Variants in UNC79 observed in about 807,000 individuals in gnomAD.
The protein encoded by UNC79 is unc-79 subunit of NALCN channel complex, also known as protein unc-79 homolog.
In UNC79, 37 loss-of-function variants were observed where a neutral mutation model predicts 283.1. The ratio of observed to expected loss-of-function variants is 0.13; its 90% CI spans 0.10 to 0.17. The LOEUF (loss-of-function observed/expected upper bound fraction) is 0.17. Ranked by LOEUF, UNC79 falls within the 10% of genes least tolerant of loss-of-function variation. The pLI, the probability that UNC79 is intolerant of heterozygous loss-of-function variation, is 1.00. For synonymous variants in UNC79, 1,107 were observed against 1,200.2 expected, an observed-to-expected ratio of 0.92 and a Z score of 1.61; for missense variants, 2,272 against 3,211.1, an observed-to-expected ratio of 0.71 and a Z score of 7.07.
intron 1 of UNC79, chr14:93,437,476 A>G (rs1343129622): frequency 6.6e-6 from 1 of 152,154 alleles, no homozygotes; most frequent in Admixed American, 6.5e-5. Flanking sequence ...TATCATTCTA[A>G]TATTTTCAGT....
chr14:93,498,936 G>T (rs376142594), intron 7 of UNC79, among the ~76,000 whole-genome samples: 1 of 152,268 alleles, frequency 6.6e-6, no homozygotes, highest in East Asian at 1.9e-4. Context: ...TTGTAGGATT[G>T]CACACTGATG....
chr14:93,354,140 A>G (rs1012496691), intron 1 of UNC79, among the ~76,000 whole-genome samples: 4 of 152,208 alleles, frequency 2.6e-5, no homozygotes, highest in African/African-American at 9.6e-5. Flanking sequence ...GGGGGCCAAT[A>G]TCTTTAACAT....
chr14:93,612,649 T>C, intron 26 of UNC79, 148 bp from the exon 28 acceptor site: 1 of 1,005,434 alleles, frequency 9.9e-7, no homozygotes, highest in Non-Finnish European at 1.5e-6. Flanking sequence ...CTAGGCCATA[T>C]TGTGCCTTTA....
chr14:93,487,131 C>G (rs68027761), intron 4 of UNC79, among the ~76,000 whole-genome samples: 11,722 of 152,098 alleles, frequency 0.077, 508 homozygotes, highest in Middle Eastern at 0.14. Context: ...AATTGAAAAT[C>G]TTTAAATTAA....
intron 27 of UNC79, 146 bp from the exon 29 acceptor site, chr14:93,616,976 C>A: frequency 1.5e-6 from 1 of 650,116 alleles, no homozygotes; most frequent in Non-Finnish European, 2.5e-6. Context: ...TGCGTACTAG[C>A]CATTACTTTT....
intron 2 of UNC79, among the ~76,000 whole-genome samples, chr14:93,469,789 G>A (rs1245389935): frequency 6.6e-6 from 1 of 152,102 alleles, no homozygotes; most frequent in African/African-American, 2.4e-5. Context: ...AGCTGAGGGA[G>A]GAGGACTGCT....
intron 18 of UNC79, among the ~76,000 whole-genome samples, chr14:93,579,173 T>C (rs1165758635): frequency 2.0e-5 from 3 of 152,216 alleles, no homozygotes; most frequent in African/African-American, 4.8e-5. Flanking sequence ...TAATGCATCA[T>C]GTCAGCAGGC....
Position 93,565,658 on chromosome 14 carries a change from A to C in UNC79, c.1756-6236A>C, listed in dbSNP as rs1186996752. Among the ~76,000 whole-genome samples the C allele has an allele frequency of 2.7e-5, 3 of 112,038 alleles. No individual in the cohort carries two copies. In the East Asian group the frequency reaches 6.1e-4, roughly 23 times the overall value. The allele number at this position is 112,038 out of a possible 152,430, so 73.5% of individuals were successfully genotyped here. On this transcript the variant is annotated intron_variant, in intron 14 of 48. Transcript: ENST00000555664. ...ATGGAGTTCTTCTCAGGCCGTATTT[A>C]GTTTGCTTTAACAGCAAACTAACAG...
At chr14:93,432,159 ATT>A (rs2055906252) in intron 1 of UNC79, among the ~76,000 whole-genome samples, 1 of 152,234 alleles carries the variant, frequency 6.6e-6, no homozygotes, top group African/African-American at 2.4e-5. Flanking sequence ...CAGTAGTCTC[ATT>A]ATTTGAGGGC....
chr14:93,404,493 A>AAAAAAAAAAAAAAATATATATATATATAT lies in UNC79; in HGVS notation c.-350-63177_-350-63176insAAAAAAAAAAAAATATATATATATATATA. On this transcript the variant is annotated intron_variant, in intron 1 of 49. Transcript: ENST00000256339. Reference sequence around the variant, plus strand: ...TGACAGAGTGAGACCTTCTAAAAAAAATATATATATATATATATATAAATA... The same window carrying AAAAAAAAAAAAAAATATATATATATATAT: ...TGACAGAGTGAGACCTTCTAAAAAAAAAAAAAAAAAAAAATATATATATATATATATATATATATATATATATATAAATA... Among the ~76,000 whole-genome samples, 69 of 61,424 alleles carry AAAAAAAAAAAAAAATATATATATATATAT rather than the reference A, an allele frequency of 1.1e-3. 1 individual carries two copies. The highest frequency in any genetic ancestry group is 7.9e-3 in the East Asian group (28 of 3,552). 40.3% of individuals were successfully genotyped at this position (61,424 alleles called of 152,430 possible). A position where few individuals can be genotyped will look rare whatever the true frequency, so the allele number is the denominator to read the frequency against.
chr14:93,677,555 A>T (rs562880124), intron 41 of UNC79, among the ~76,000 whole-genome samples: 2 of 152,206 alleles, frequency 1.3e-5, no homozygotes, highest in Admixed American at 1.3e-4. Flanking sequence ...GCCCCTTGAC[A>T]CATGGGGATT....
intron 4 of UNC79, among the ~76,000 whole-genome samples, chr14:93,482,466 A>C (rs941294284): frequency 6.6e-6 from 1 of 152,056 alleles, no homozygotes; most frequent in African/African-American, 2.4e-5. Context: ...GAAGGGATGG[A>C]CATCTTATGC....
At chr14:93,408,961 C>T (rs2055282528) in intron 1 of UNC79, among the ~76,000 whole-genome samples, 1 of 152,160 alleles carries the variant, frequency 6.6e-6, no homozygotes, top group South Asian at 2.1e-4. Flanking sequence ...AAATGTCCTA[C>T]AATAAGCATA....
At chr14:93,355,520 A>G (rs2054068716) in intron 1 of UNC79, among the ~76,000 whole-genome samples, 1 of 152,092 alleles carries the variant, frequency 6.6e-6, no homozygotes, top group African/African-American at 2.4e-5. Flanking sequence ...TTTAGTAGAG[A>G]TGAGGTTTCA....
intron 2 of UNC79, among the ~76,000 whole-genome samples, chr14:93,471,141 AT>A (rs2057479131): frequency 6.6e-6 from 1 of 152,174 alleles, no homozygotes; most frequent in African/African-American, 2.4e-5. Context: ...TTGAATTGTA[AT>A]TTCCAGTTGC....
intron 17 of UNC79, among the ~76,000 whole-genome samples, chr14:93,576,584 A>G (rs1212591067): frequency 6.6e-6 from 1 of 152,180 alleles, no homozygotes; most frequent in Non-Finnish European, 1.5e-5. Context: ...AGCTTAAAGG[A>G]GCTAAAGGAG....
At chr14:93,490,645 G>T (rs2058679094) in intron 5 of UNC79, among the ~76,000 whole-genome samples, 1 of 152,136 alleles carries the variant, frequency 6.6e-6, no homozygotes, top group Non-Finnish European at 1.5e-5. Context: ...TTCTGTCTGA[G>T]ATCGCATCAG....
chr14:93,374,800 G>A (rs2054522221), intron 1 of UNC79, among the ~76,000 whole-genome samples: 1 of 152,154 alleles, frequency 6.6e-6, no homozygotes, highest in African/African-American at 2.4e-5. Context: ...TTCTGCCTTG[G>A]CCTTCCAAAG....
intron 29 of UNC79, among the ~76,000 whole-genome samples, chr14:93,620,453 C>T (rs536807494): frequency 1.4e-4 from 21 of 151,436 alleles, no homozygotes; most frequent in Admixed American, 4.6e-4. Context: ...ATTTTTTTTT[C>T]TTTTTTGGAA....
Sources: gnomAD v4.1 joint callset for allele counts (sites outside exome capture counted in the v4.1 genomes callset) on GRCh38, gnomAD v4.1.1 for gene constraint, MANE v1.5 for transcripts, NCBI Gene and HGNC (gene_info 2026-07-23, HGNC 2026-07-21) for gene names.